The following MYCT1 variants were observed in gnomAD, a reference collection of about 807,000 sequenced individuals.
MYCT1 encodes the protein MYC target 1, also known as myc target protein 1.
MYCT1 carries 12 observed loss-of-function variants against 15.0 expected under a neutral mutation model. That is an observed-to-expected ratio of 0.80 (90% CI 0.51 to 1.29). The LOEUF is 1.29. MYCT1 is among the 50% of genes most tolerant of loss of function. The pLI, the probability that MYCT1 is intolerant of heterozygous loss-of-function variation, is 0.00. For missense variants in MYCT1, 287 were observed against 279.1 expected, an observed-to-expected ratio of 1.03 and a Z score of -0.20; for synonymous variants, 104 against 102.7, an observed-to-expected ratio of 1.01 and a Z score of -0.07.
intron 1 of MYCT1, among the ~76,000 whole-genome samples, chr6:152,702,633 A>T (rs1483031456): frequency 6.6e-6 from 1 of 152,066 alleles, no homozygotes; most frequent in African/African-American, 2.4e-5. Context: ...TGGGCATAGG[A>T]TGTTCCCCAA....
intron 1 of MYCT1, 151 bp downstream of exon 1, chr6:152,698,249 C>T (rs908214755): frequency 5.5e-6 from 2 of 363,844 alleles, no homozygotes; most frequent in African/African-American, 2.1e-5. Flanking sequence ...AAATCTATTT[C>T]ATACGTTTAT....
chr6:152,722,785 G>A lies in MYCT1; in HGVS notation c.*532G>A, dbSNP rs191594983. On this transcript the variant is annotated 3_prime_UTR_variant, in exon 2 of 2. Transcript: ENST00000367245. ...CAGGGTCTTGATCCGTCGCCCAGGC[G>A]GGAGTTGCAGTAGCATGATCAGGAC... 8 of 406,336 alleles carry A rather than the reference G, an allele frequency of 2.0e-5. No homozygotes were observed. The highest frequency in any genetic ancestry group is 8.5e-5 in the Admixed American group (3 of 35,256). The allele number at this position is 406,336 out of a possible 1,614,324, so 25.2% of individuals were successfully genotyped here. A position where few individuals can be genotyped will look rare whatever the true frequency, so the allele number is the denominator to read the frequency against.
intron 1 of MYCT1, among the ~76,000 whole-genome samples, chr6:152,700,670 C>A (rs2099721145): frequency 6.6e-6 from 1 of 152,050 alleles, no homozygotes; most frequent in Non-Finnish European, 1.5e-5. Flanking sequence ...ATAAACATTC[C>A]CATGAAAGCT....
rs2099724916 is a variant in MYCT1 at position 152,722,596 on chromosome 6, AC to A, written c.*344del. 4.3e-6 allele frequency: 1 copy of A among 232,166 alleles called. No individual in the cohort carries two copies. The highest frequency in any genetic ancestry group is 2.3e-5 in the African/African-American group (1 of 43,914). 14.4% of individuals were successfully genotyped at this position (232,166 alleles called of 1,614,324 possible). A position where few individuals can be genotyped will look rare whatever the true frequency, so the allele number is the denominator to read the frequency against. The stretch of plus-strand genomic sequence containing the variant: ...TTAAAACTTCAGATATTTGTGGATT[AC>A]AATCCTCATTTACTTCCAATGTGAC... On this transcript the variant is annotated 3_prime_UTR_variant, in exon 2 of 2. Transcript: ENST00000367245.
At chr6:152,700,669 C>A (rs1270392357) in intron 1 of MYCT1, among the ~76,000 whole-genome samples, 1 of 152,080 alleles carries the variant, frequency 6.6e-6, no homozygotes, top group African/African-American at 2.4e-5. Context: ...TATAAACATT[C>A]CCATGAAAGC....
the MYCT1 span, among the ~76,000 whole-genome samples, chr6:152,730,880 A>T: frequency 6.6e-6 from 1 of 152,248 alleles, no homozygotes; most frequent in Non-Finnish European, 1.5e-5. Context: ...GTCTAAGCAT[A>T]TTATCTGAAA....
intron 1 of MYCT1, among the ~76,000 whole-genome samples, chr6:152,714,309 T>C (rs9384036): frequency 0.38 from 48,300 of 125,938 alleles, 9,379 homozygotes; most frequent in East Asian, 0.65. Flanking sequence ...CTTTTTCTTT[T>C]TTTTTTTTTT....
the MYCT1 span, among the ~76,000 whole-genome samples, chr6:152,733,833 A>G: frequency 0.61 from 93,101 of 151,934 alleles, 30,057 homozygotes; most frequent in East Asian, 0.82. Context: ...AATGCTCCTC[A>G]AGTTGTCACA....
At chr6:152,698,204 A>C in intron 1 of MYCT1, 106 bp downstream of exon 1, 1 of 553,644 alleles carries the variant, frequency 1.8e-6, no homozygotes, top group East Asian at 3.5e-5. Flanking sequence ...GTTTACTATA[A>C]TGTGATTACT....
intron 1 of MYCT1, among the ~76,000 whole-genome samples, chr6:152,704,400 T>C (rs1469926459): frequency 1.3e-5 from 2 of 152,210 alleles, no homozygotes; most frequent in Non-Finnish European, 2.9e-5. Context: ...GTGTCATTTG[T>C]TGATTTTTAT....
At chr6:152,739,154 C>T in the MYCT1 span, among the ~76,000 whole-genome samples, 1 of 151,556 alleles carries the variant, frequency 6.6e-6, no homozygotes, top group Non-Finnish European at 1.5e-5. Flanking sequence ...ACACTTAACA[C>T]TAGAATTGGT....
At chr6:152,704,141 T>A (rs1053830234) in intron 1 of MYCT1, among the ~76,000 whole-genome samples, 2 of 151,700 alleles carry the variant, frequency 1.3e-5, no homozygotes, top group East Asian at 3.9e-4. Context: ...GGACTACAGG[T>A]GTATGTCACC....
At position 152,724,492 on chromosome 6, in the gene MYCT1, A is replaced by C. The variant is rs561061455; in HGVS notation, c.*2239A>C. On this transcript the variant is annotated 3_prime_UTR_variant, in exon 2 of 2. Transcript: ENST00000367245. The stretch of plus-strand genomic sequence containing the variant: ...AGTGTATGAAATGTGAAATTAAAGC[A>C]AAAACTGGAGACTTTTAATGTATTT... The C allele has an allele frequency of 6.6e-6, 1 of 152,198 alleles. No homozygotes were observed. Among genetic ancestry groups the C allele is most frequent in the Non-Finnish European group, 1.5e-5 (1 of 68,016 alleles). The allele number at this position is 152,198 out of a possible 1,614,324, so 9.4% of individuals were successfully genotyped here.
At chr6:152,739,532 T>A in the MYCT1 span, among the ~76,000 whole-genome samples, 1 of 151,988 alleles carries the variant, frequency 6.6e-6, no homozygotes, top group African/African-American at 2.4e-5. Flanking sequence ...AACTTAAGCC[T>A]CTTTCATTTT....
downstream of MYCT1, among the ~76,000 whole-genome samples, chr6:152,726,930 A>G (rs1349568530): frequency 1.3e-5 from 2 of 152,006 alleles, no homozygotes; most frequent in African/African-American, 2.4e-5. Context: ...CTTCTTCTCA[A>G]CTCACTTAAA....
chr6:152,705,711 T>G (rs974848362), intron 1 of MYCT1: 2 of 149,642 alleles, frequency 1.3e-5, no homozygotes, highest in Non-Finnish European at 2.7e-5. Context: ...TTTTAATTTA[T>G]TATTATTATT....
the MYCT1 span, among the ~76,000 whole-genome samples, chr6:152,739,638 C>A: frequency 6.6e-5 from 10 of 151,754 alleles, no homozygotes. Context: ...ATCGTTTCTC[C>A]TTTTTTTAGG....
downstream of MYCT1, among the ~76,000 whole-genome samples, chr6:152,727,456 A>G (rs972659957): frequency 6.6e-6 from 1 of 152,196 alleles, no homozygotes; most frequent in African/African-American, 2.4e-5. Flanking sequence ...ATCATCTCTC[A>G]TCCTTGTGTT....
chr6:152,721,656 T>C (rs2099724721), intron 1 of MYCT1, 86 bp from the exon 2 acceptor site: 2 of 1,243,910 alleles, frequency 1.6e-6, no homozygotes, highest in Non-Finnish European at 2.2e-6. Context: ...CATGTATTCT[T>C]TGAATTACAG....
Sources: allele counts gnomAD v4.1 joint callset (sites outside exome capture counted in the v4.1 genomes callset), GRCh38; gene constraint gnomAD v4.1.1; transcripts MANE v1.5; gene names NCBI Gene and HGNC (gene_info 2026-07-23, HGNC 2026-07-21).